Variants in KDM5B observed in about 807,000 individuals in gnomAD.
The protein encoded by KDM5B is lysine demethylase 5B.
Under a neutral mutation model 193.4 loss-of-function variants are expected in KDM5B, and 144 were observed. The ratio of observed to expected loss-of-function variants is 0.74; its 90% confidence interval spans 0.65 to 0.86. KDM5B has a LOEUF of 0.86. Ranked by LOEUF, KDM5B falls within the 40% of genes least tolerant of loss-of-function variation. KDM5B has a pLI of 0.00. For missense variants in KDM5B, 1,833 were observed against 1,886.9 expected (o/e 0.97, Z 0.53); for synonymous variants, 668 against 682.6 (o/e 0.98, Z 0.33).
intron 4 of KDM5B, among the ~76,000 whole-genome samples, chr1:202,770,569 T>G (rs948314438): frequency 3.3e-5 from 5 of 152,196 alleles, no homozygotes; most frequent in African/African-American, 9.7e-5. Context: ...GACCTAAACA[T>G]TCTACAATAG....
At chr1:202,756,921 C>T (rs1418039448) in intron 9 of KDM5B, among the ~76,000 whole-genome samples, 1 of 152,136 alleles carries the variant, frequency 6.6e-6, no homozygotes, top group Admixed American at 6.5e-5. Flanking sequence ...TTACCTGAGT[C>T]CATCCTTTCA....
intron 14 of KDM5B, among the ~76,000 whole-genome samples, chr1:202,747,571 A>ATTT (rs1655610282): frequency 6.8e-6 from 1 of 147,230 alleles, no homozygotes; most frequent in African/African-American, 2.5e-5. Flanking sequence ...CATATTTTTA[A>ATTT]AAAAAAAAAA....
At chr1:202,800,282 T>G (rs1353669753) in intron 1 of KDM5B, among the ~76,000 whole-genome samples, 1 of 151,994 alleles carries the variant, frequency 6.6e-6, no homozygotes, top group Non-Finnish European at 1.5e-5. Flanking sequence ...GACCTCATGA[T>G]CCACCTGCCT....
chr1:202,747,373 T>C (rs77520732), intron 14 of KDM5B, among the ~76,000 whole-genome samples: 3,775 of 152,176 alleles, frequency 0.025, 83 homozygotes, highest in South Asian at 0.11. Context: ...ATTCCATATA[T>C]GGAAAAAGTC....
intron 1 of KDM5B, among the ~76,000 whole-genome samples, chr1:202,781,735 T>C (rs1657205531): frequency 6.6e-6 from 1 of 152,326 alleles, no homozygotes; most frequent in South Asian, 2.1e-4. Flanking sequence ...AGAAATGAAT[T>C]GATCTGGGTT....
intron 22 of KDM5B, among the ~76,000 whole-genome samples, chr1:202,734,298 A>G (rs959922096): frequency 3.3e-4 from 7 of 21,106 alleles, no homozygotes; most frequent in African/African-American, 3.8e-4. Flanking sequence ...TATCTCTATT[A>G]AAAAAAAAAA....
chr1:202,746,055 A>G (rs769011238), intron 15 of KDM5B, 73 bp from the exon 16 acceptor site: 1 of 1,594,742 alleles, frequency 6.3e-7, no homozygotes, highest in Non-Finnish European at 8.6e-7. Context: ...TATACTTAAC[A>G]TTTCAGCCCT....
intron 1 of KDM5B, among the ~76,000 whole-genome samples, chr1:202,789,383 CG>C (rs1288165476): frequency 1.3e-5 from 2 of 150,554 alleles, no homozygotes; most frequent in Non-Finnish European, 1.5e-5. Context: ...TAGCGGGACG[CG>C]GTGGTGGGCG....
Position 202,745,947 on chromosome 1 carries a change from A to C in KDM5B, c.2234T>G (p.Met745Arg). 6.2e-7 allele frequency: 1 copy of C among 1,613,932 alleles called. No individual in the cohort carries two copies. Among genetic ancestry groups the C allele is most frequent in the Non-Finnish European group, 8.5e-7 (1 of 1,179,810 alleles). ...RYTLDDLYPMMNALKLRAESY... is the reference protein window; with the variant it reads ...RYTLDDLYPMRNALKLRAESY... ...TTCTGCTCGAAGCTTCAATGCATTC[A>C]TCATAGGGTAGAGATCATCCAGCGT... is the stretch of plus-strand genomic sequence containing the variant. The change falls in exon 16 of 27, where the codon ATG becomes AGG. Residue 745 changes from methionine (M) to arginine (R), a missense_variant. Met to Arg is a moderately conservative substitution (Grantham distance 91). Around this residue, in one of 3 missense-constraint regions of KDM5B, gnomAD observed 1,379 missense variants for 1,349.6 expected, o/e 1.02. Coordinates refer to ENST00000367265, the MANE Select transcript of KDM5B (RefSeq NM_006618.5).
chr1:202,748,053 A>G (rs1385701252), intron 14 of KDM5B, among the ~76,000 whole-genome samples: 1 of 152,214 alleles, frequency 6.6e-6, no homozygotes, highest in African/African-American at 2.4e-5. Context: ...TATTAGCAAT[A>G]GAATAGATGC....
intron 13 of KDM5B, 111 bp downstream of exon 13, chr1:202,750,548 T>TC (rs1485667096): frequency 8.5e-7 from 1 of 1,173,642 alleles, no homozygotes; most frequent in African/African-American, 1.5e-5. Flanking sequence ...GCGCTGGGAT[T>TC]ATAGGCATGA....
intron 7 of KDM5B, among the ~76,000 whole-genome samples, 167 bp from the exon 8 acceptor site, chr1:202,760,740 T>A (rs1377070018): frequency 6.6e-6 from 1 of 152,256 alleles, no homozygotes; most frequent in Non-Finnish European, 1.5e-5. Context: ...TCACTTTCTA[T>A]GAAGGATATT....
intron 1 of KDM5B, among the ~76,000 whole-genome samples, chr1:202,782,583 A>G (rs1657243587): frequency 6.6e-6 from 1 of 152,180 alleles, no homozygotes; most frequent in Non-Finnish European, 1.5e-5. Flanking sequence ...TAAGGTGAAA[A>G]TTTTGAAAAA....
chr1:202,807,370 T>A (rs998713268), intron 1 of KDM5B: 2 of 130,922 alleles, frequency 1.5e-5, no homozygotes, highest in Non-Finnish European at 3.3e-5. Flanking sequence ...CCCAAAAGTG[T>A]CCCCCAGACA....
intron 4 of KDM5B, 92 bp downstream of exon 4, chr1:202,773,012 AAAACAAGGTCTTCC>A: frequency 1.2e-6 from 1 of 867,040 alleles, no homozygotes; most frequent in South Asian, 1.8e-5. Flanking sequence ...AAGGTCTTCT[AAAACAAGGTCTTCC>A]AAACACAATC....
intron 1 of KDM5B, among the ~76,000 whole-genome samples, chr1:202,797,519 CTT>C (rs1430202186): frequency 6.6e-6 from 1 of 152,156 alleles, no homozygotes; most frequent in East Asian, 1.9e-4. Context: ...GATGGTGGCT[CTT>C]GTCCTAAAAT....
intron 20 of KDM5B, among the ~76,000 whole-genome samples, chr1:202,737,473 G>T (rs939012587): frequency 3.9e-5 from 6 of 152,206 alleles, no homozygotes; most frequent in African/African-American, 4.8e-5. Flanking sequence ...GGTTATGGAG[G>T]ATGAAATGCA....
intron 1 of KDM5B, among the ~76,000 whole-genome samples, chr1:202,788,477 G>T (rs1410045052): frequency 6.6e-6 from 1 of 152,142 alleles, no homozygotes; most frequent in Non-Finnish European, 1.5e-5. Flanking sequence ...ATATGCCATG[G>T]TATTTACTTT....
intron 4 of KDM5B, among the ~76,000 whole-genome samples, chr1:202,769,789 C>A (rs1296126254): frequency 2.7e-5 from 4 of 150,052 alleles, no homozygotes; most frequent in Non-Finnish European, 5.9e-5. Flanking sequence ...TATTCTATAA[C>A]AAGTCCTCAG....
Sources: allele counts gnomAD v4.1 joint callset (sites outside exome capture counted in the v4.1 genomes callset), GRCh38; gene constraint gnomAD v4.1.1; regional missense constraint gnomAD v4.1.1; transcripts MANE v1.5; gene names NCBI Gene and HGNC (gene_info 2026-07-23, HGNC 2026-07-21).